ZBTB7A: variants seen among roughly 807,000 people sequenced by gnomAD.
ZBTB7A encodes zinc finger and BTB domain-containing protein 7A.
ZBTB7A carries 7 observed loss-of-function variants against 26.7 expected under a neutral mutation model. That is an observed-to-expected ratio of 0.26 (90% confidence interval 0.15 to 0.49). The LOEUF is 0.49. ZBTB7A is among the 20% of genes least tolerant of loss of function. The probability of loss-of-function intolerance (pLI) is 0.98; values close to 1 mark genes in which losing one functional copy is unlikely to be tolerated. For missense variants in ZBTB7A, 617 were observed against 919.5 expected, an observed-to-expected ratio of 0.67 and a Z score of 4.25; for synonymous variants, 452 against 441.0, an observed-to-expected ratio of 1.02 and a Z score of -0.31.
chr19:4,051,868 G>A (rs1309397138), intron 2 of ZBTB7A, among the ~76,000 whole-genome samples: 4 of 152,248 alleles, frequency 2.6e-5, no homozygotes, highest in African/African-American at 7.2e-5. Flanking sequence ...GGCGGGGTGG[G>A]GGCGGAGGTA....
intron 1 of ZBTB7A, chr19:4,055,461 C>A (rs1275125560): frequency 2.0e-6 from 2 of 985,310 alleles, no homozygotes; most frequent in Non-Finnish European, 2.4e-6. Flanking sequence ...TGCCTCCAGC[C>A]TCTTTTCTTT....
chr19:4,064,693 G>A (rs1410880059), intron 1 of ZBTB7A, among the ~76,000 whole-genome samples: 4 of 152,326 alleles, frequency 2.6e-5, no homozygotes, highest in East Asian at 3.9e-4. Context: ...TCCGGAGGCA[G>A]CTGGCAGGGA....
chr19:4,050,188 A>C, intron 2 of ZBTB7A, among the ~76,000 whole-genome samples: 1 of 149,024 alleles, frequency 6.7e-6, no homozygotes, highest in Non-Finnish European at 1.5e-5. Flanking sequence ...GCCTCCCCAA[A>C]CGCTGGGATT....
At chr19:4,060,055 C>G (rs1013656780) in intron 1 of ZBTB7A, among the ~76,000 whole-genome samples, 2 of 152,074 alleles carry the variant, frequency 1.3e-5, no homozygotes, top group African/African-American at 4.8e-5. Flanking sequence ...CACCCGGGGC[C>G]CCATCTTTCA....
intron 1 of ZBTB7A, among the ~76,000 whole-genome samples, chr19:4,059,476 G>A (rs765960899): frequency 6.6e-6 from 1 of 152,178 alleles, no homozygotes; most frequent in Non-Finnish European, 1.5e-5. Context: ...AAAGCAGCGA[G>A]GCCCGGGGTG....
intron 1 of ZBTB7A, among the ~76,000 whole-genome samples, chr19:4,064,449 GCCTGAAGCCCTCAGGC>G (rs1473734491): frequency 1.3e-5 from 2 of 152,230 alleles, no homozygotes; most frequent in Non-Finnish European, 2.9e-5. Flanking sequence ...AACGCCCCCG[GCCTGAAGCCCTCAGGC>G]CCTGGCAGCA....
At chr19:4,066,092 G>A (rs1437111926) in intron 1 of ZBTB7A, among the ~76,000 whole-genome samples, 2 of 150,194 alleles carry the variant, frequency 1.3e-5, no homozygotes, top group African/African-American at 2.4e-5. Flanking sequence ...TGCAAACGGC[G>A]GAGGGACTAC....
Position 4,055,226 on chromosome 19 carries a change from C to T in ZBTB7A, c.7G>A (p.Gly3Ser), listed in dbSNP as rs757069218. 4 of 1,510,984 alleles carry T rather than the reference C, an allele frequency of 2.6e-6. No individual in the cohort carries two copies. The highest frequency in any genetic ancestry group is 4.2e-5 in the Admixed American group (2 of 47,236). The allele number at this position is 1,510,984 out of a possible 1,614,324, so 93.6% of individuals were successfully genotyped here. Residue 3 changes from glycine (G) to serine (S), a missense_variant, in exon 2 of 3, where the codon GGC becomes AGC. Physicochemically the swap from Gly to Ser is moderately conservative, Grantham distance 56. This residue lies in a region of ZBTB7A where 82 missense variants were observed against 195.2 expected (regional missense o/e 0.42). Transcript: ENST00000322357. The part of the protein sequence containing the change: MA[G>S]GVDGPIGIPF... ...ATCCCGATGGGGCCGTCCACGCCGC[C>T]GGCCATCTTCCGCGCCGAGACCTGC...
Position 4,043,506 on chromosome 19 carries a change from T to C in ZBTB7A, c.*4246A>G, listed in dbSNP as rs1019893493. Among the ~76,000 whole-genome samples, 26 of 151,248 alleles carry C rather than the reference T, an allele frequency of 1.7e-4. No individual in the cohort carries two copies. Among genetic ancestry groups the C allele is most frequent in the Non-Finnish European group, 3.7e-4 (25 of 67,858 alleles). On this transcript the variant is annotated 3_prime_UTR_variant, in exon 3 of 3. Coordinates refer to ENST00000322357, the MANE Select transcript of ZBTB7A (RefSeq NM_015898.4). Reference sequence around the variant, plus strand: ...CTTTATAAAGACTCTCAATACAGTCTCTGGAATGTCTATCTGTCTGTGCTC... The same window carrying C: ...CTTTATAAAGACTCTCAATACAGTCCCTGGAATGTCTATCTGTCTGTGCTC...
At chr19:4,058,018 T>G (rs1168335918) in intron 1 of ZBTB7A, among the ~76,000 whole-genome samples, 1 of 151,974 alleles carries the variant, frequency 6.6e-6, no homozygotes, top group Non-Finnish European at 1.5e-5. Context: ...TCAGGGGGGC[T>G]CTGAGTCAGC....
chr19:4,064,970 C>G (rs913761535), intron 1 of ZBTB7A, among the ~76,000 whole-genome samples: 1 of 151,994 alleles, frequency 6.6e-6, no homozygotes, highest in African/African-American at 2.4e-5. Context: ...CTCCCAGAAC[C>G]CGCAGAGGCC....
At chr19:4,065,918 G>T (rs1267426292) in intron 1 of ZBTB7A, among the ~76,000 whole-genome samples, 1 of 138,768 alleles carries the variant, frequency 7.2e-6, no homozygotes, top group Non-Finnish European at 1.6e-5. Flanking sequence ...CTGGCGGGCT[G>T]GCCCCGCCCC....
intron 1 of ZBTB7A, among the ~76,000 whole-genome samples, chr19:4,059,585 C>A (rs148934297): frequency 6.6e-6 from 1 of 152,268 alleles, no homozygotes; most frequent in African/African-American, 2.4e-5. Flanking sequence ...CCTAAGGATG[C>A]CCGGCAGGGC....
In ZBTB7A at chr19:4,044,247, G is replaced by A. The variant is rs1011086683; in HGVS notation, c.*3505C>T. On this transcript the variant is annotated 3_prime_UTR_variant, in exon 3 of 3. Coordinates refer to ENST00000322357, the MANE Select transcript of ZBTB7A (RefSeq NM_015898.4). ...GACAGGACTGCATGGCCACAATGGT[G>A]GGGGGGCAGACTTTGGTATCGCCCG... 6.7e-6 allele frequency: 1 copy of A among 148,714 alleles called. No homozygotes were observed. Among genetic ancestry groups the A allele is most frequent in the African/African-American group, 2.6e-5 (1 of 38,244 alleles). The allele number at this position is 148,714 out of a possible 1,614,324, so 9.2% of individuals were successfully genotyped here.
intron 1 of ZBTB7A, chr19:4,055,596 G>A (rs2040569412): frequency 2.3e-6 from 1 of 437,834 alleles, no homozygotes; most frequent in Non-Finnish European, 3.0e-6. Context: ...GCCGAGACAG[G>A]CAGATCATGA....
chr19:4,060,968 C>A (rs555099917), intron 1 of ZBTB7A, among the ~76,000 whole-genome samples: 1 of 152,254 alleles, frequency 6.6e-6, no homozygotes, highest in South Asian at 2.1e-4. Flanking sequence ...AGCCTCGGCT[C>A]CCCCACCTCC....
At position 4,055,209 on chromosome 19, in the gene ZBTB7A, G is replaced by A. The variant is rs766474113; in HGVS notation, c.24C>T (p.Pro8=). The A allele has an allele frequency of 1.3e-6, 2 of 1,548,492 alleles. No individual in the cohort carries two copies. The highest frequency in any genetic ancestry group is 2.3e-5 in the East Asian group (1 of 43,600). The change falls in exon 2 of 3, where the codon CCC becomes CCT. Residue 8 remains proline (P), a synonymous_variant. Coordinates refer to ENST00000322357, the MANE Select transcript of ZBTB7A (RefSeq NM_015898.4). Reference sequence around the variant, plus strand: ...TGTGGTCGGGGAACGGGATCCCGATGGGGCCGTCCACGCCGCCGGCCATCT... The same window carrying A: ...TGTGGTCGGGGAACGGGATCCCGATAGGGCCGTCCACGCCGCCGGCCATCT... MAGGVDG[P]IGIPFPDHSS...
At chr19:4,053,536 T>C (rs2040528725) in intron 2 of ZBTB7A, among the ~76,000 whole-genome samples, 1 of 149,608 alleles carries the variant, frequency 6.7e-6, no homozygotes, top group Non-Finnish European at 1.5e-5. Context: ...TGCGTGCATG[T>C]GTATGTGATG....
At chr19:4,066,528 G>A (rs1260191511) in intron 1 of ZBTB7A, among the ~76,000 whole-genome samples, 154 bp downstream of exon 1, 2 of 151,656 alleles carry the variant, frequency 1.3e-5, no homozygotes, top group East Asian at 2.0e-4. Context: ...TCCAGCCTCC[G>A]GGCAGCTGCC....
Sources: gnomAD v4.1 joint callset for allele counts (sites outside exome capture counted in the v4.1 genomes callset) on GRCh38, gnomAD v4.1.1 for gene constraint, gnomAD v4.1.1 regional missense constraint, MANE v1.5 for transcripts, NCBI Gene and HGNC (gene_info 2026-07-23, HGNC 2026-07-21) for gene names.